The following C12orf75 variants were observed in gnomAD, a reference collection of about 807,000 sequenced individuals.
C12orf75 encodes the protein chromosome 12 open reading frame 75.
A neutral mutation model predicts 11.4 loss-of-function variants in C12orf75; 4 were observed. The observed-to-expected ratio is 0.35, with a 90% CI of 0.17 to 0.80. The LOEUF (loss-of-function observed/expected upper bound fraction) is 0.80. Ranked by LOEUF, C12orf75 falls within the 30% of genes least tolerant of loss-of-function variation. The pLI, the probability that C12orf75 is intolerant of heterozygous loss-of-function variation, is 0.52. For synonymous variants in C12orf75, 30 were observed against 30.0 expected (o/e 1.00, Z 0.00); for missense variants, 89 against 80.4 (o/e 1.11, Z -0.41).
chr12:105,343,771 C>T (rs1185624342), intron 1 of C12orf75, among the ~76,000 whole-genome samples: 1 of 151,712 alleles, frequency 6.6e-6, no homozygotes, highest in Non-Finnish European at 1.5e-5. Flanking sequence ...TTCTCATTAC[C>T]CTGGTTACAA....
At chr12:105,365,786 C>T in intron 2 of C12orf75, 21 bp from the exon 3 acceptor site, 2 of 1,534,880 alleles carry the variant, frequency 1.3e-6, no homozygotes, top group Non-Finnish European at 1.8e-6. Flanking sequence ...TGTCTCATAG[C>T]AAATGTTTCT....
At position 105,355,168 on chromosome 12, in the gene C12orf75, C is replaced by CT. The variant is rs200950023; in HGVS notation, c.71+6547dup. On this transcript the variant is annotated intron_variant, in intron 2 of 5. Coordinates refer to ENST00000443585, the MANE Select transcript of C12orf75 (RefSeq NM_001145199.2). ...GGGTGGTTTTCACGAATTTCTTTTT[C>CT]TTTTTCTTTTTCTTTTTTTTTTTCA... 9.9e-3 allele frequency among the ~76,000 whole-genome samples: 732 copies of CT among 74,164 alleles called. 64 individuals carry two copies. The highest frequency in any genetic ancestry group is 0.022 in the African/African-American group (484 of 21,918). The allele number at this position is 74,164 out of a possible 152,430, so 48.7% of individuals were successfully genotyped here.
At chr12:105,337,077 A>T (rs1177484284) in intron 1 of C12orf75, among the ~76,000 whole-genome samples, 1 of 152,070 alleles carries the variant, frequency 6.6e-6, no homozygotes, top group Non-Finnish European at 1.5e-5. Flanking sequence ...TAATCCCAGC[A>T]CTTTGGGAGG....
At position 105,365,813 on chromosome 12, in the gene C12orf75, A is replaced by G; in HGVS notation, c.78A>G (p.Glu26=). 6.5e-7 allele frequency: 1 copy of G among 1,549,136 alleles called. No individual in the cohort carries two copies. Among genetic ancestry groups the G allele is most frequent in the Non-Finnish European group, 8.7e-7 (1 of 1,144,652 alleles). ...AATGTTTCTGACCTTTTAGAACAGA[A>G]GAATCCGTAACAGAAGATGACAAGA... The part of the protein sequence containing the change: ...GPAGAAKDVT[E]ESVTEDDKRR... Residue 26 remains glutamate (E), a synonymous_variant, in exon 3 of 6, where the codon GAA becomes GAG. Coordinates refer to ENST00000443585, the MANE Select transcript of C12orf75 (RefSeq NM_001145199.2).
chr12:105,331,321 C>T (rs1282160369), intron 1 of C12orf75, among the ~76,000 whole-genome samples: 1 of 152,020 alleles, frequency 6.6e-6, no homozygotes, highest in Non-Finnish European at 1.5e-5. Flanking sequence ...CCCCCATCTC[C>T]TCGGAACCAA....
rs141765777 is a variant in C12orf75 at position 105,350,852 on chromosome 12, G to A, written c.71+2226G>A. Among the ~76,000 whole-genome samples the A allele has an allele frequency of 3.1e-4, 47 of 152,210 alleles. No individual in the cohort carries two copies. The East Asian group carries it at 8.3e-3, about 27-fold the overall frequency. On this transcript the variant is annotated intron_variant, in intron 2 of 5. Coordinates refer to ENST00000443585, the MANE Select transcript of C12orf75 (RefSeq NM_001145199.2). ...ATCTTTCTTTTTCTAATAAAATTTA[G>A]TGATGATTTTGTCAACAGAATTAAC...
At chr12:105,339,392 ATTT>A (rs10638339) in intron 1 of C12orf75, among the ~76,000 whole-genome samples, 2 of 136,504 alleles carry the variant, frequency 1.5e-5, no homozygotes, top group Non-Finnish European at 3.1e-5. Flanking sequence ...AATCTTCAGT[ATTT>A]TTTTTTTTTT....
chr12:105,368,200 C>T (rs9988966), intron 5 of C12orf75, among the ~76,000 whole-genome samples: 46,178 of 152,042 alleles, frequency 0.3, 8,511 homozygotes, highest in East Asian at 0.67. Flanking sequence ...AGACATGGAG[C>T]AGCATTTCCA....
chr12:105,330,835 G>A lies in C12orf75; in HGVS notation c.-57G>A. The A allele has an allele frequency of 8.1e-7, 1 of 1,238,926 alleles. No homozygotes were observed. Among genetic ancestry groups the A allele is most frequent in the Non-Finnish European group, 1.0e-6 (1 of 991,736 alleles). 76.7% of individuals were successfully genotyped at this position (1,238,926 alleles called of 1,614,324 possible). On this transcript the variant is annotated 5_prime_UTR_variant, in exon 1 of 6. Coordinates refer to ENST00000443585, the MANE Select transcript of C12orf75 (RefSeq NM_001145199.2). ...TGCGCCGCCCTTCGTCTGGGTCTCC[G>A]CCCCCAGGACCCGCGGCCGAGAGCT... is the stretch of plus-strand genomic sequence containing the variant.
At chr12:105,335,223 C>A (rs993167802) in intron 1 of C12orf75, among the ~76,000 whole-genome samples, 3 of 152,062 alleles carry the variant, frequency 2.0e-5, no homozygotes, top group Non-Finnish European at 4.4e-5. Context: ...TAATACAATC[C>A]TTTTGGGCCC....
At chr12:105,364,395 G>A (rs1871397261) in intron 2 of C12orf75, among the ~76,000 whole-genome samples, 1 of 152,220 alleles carries the variant, frequency 6.6e-6, no homozygotes, top group South Asian at 2.1e-4. Context: ...TATATGCTCA[G>A]TTTGGATGAA....
At chr12:105,357,324 T>C (rs1334944119) in intron 2 of C12orf75, among the ~76,000 whole-genome samples, 1 of 152,242 alleles carries the variant, frequency 6.6e-6, no homozygotes, top group African/African-American at 2.4e-5. Context: ...CATCCATCTG[T>C]AATCTTAGTT....
chr12:105,341,287 A>G (rs1272254525), intron 1 of C12orf75, among the ~76,000 whole-genome samples: 1 of 152,162 alleles, frequency 6.6e-6, no homozygotes, highest in African/African-American at 2.4e-5. Flanking sequence ...TGAAACATAA[A>G]GAATGTCTGA....
At chr12:105,332,998 C>T (rs1231471921) in intron 1 of C12orf75, among the ~76,000 whole-genome samples, 1 of 150,824 alleles carries the variant, frequency 6.6e-6, no homozygotes, top group African/African-American at 2.4e-5. Flanking sequence ...GTGGACAGTG[C>T]ATGTGAGAGC....
chr12:105,359,220 C>T (rs1892826189), intron 2 of C12orf75, among the ~76,000 whole-genome samples: 1 of 152,146 alleles, frequency 6.6e-6, no homozygotes, highest in African/African-American at 2.4e-5. Flanking sequence ...TGGTAGAATT[C>T]ACCTTTTACT....
intron 2 of C12orf75, among the ~76,000 whole-genome samples, chr12:105,356,400 T>C (rs910269323): frequency 6.0e-5 from 9 of 150,230 alleles, no homozygotes; most frequent in African/African-American, 2.2e-4. Context: ...TTAGCCTCTT[T>C]AGTGACACTG....
At chr12:105,363,220 T>C (rs768382093) in intron 2 of C12orf75, among the ~76,000 whole-genome samples, 2 of 152,232 alleles carry the variant, frequency 1.3e-5, no homozygotes, top group Non-Finnish European at 2.9e-5. Flanking sequence ...TCAGAGCTGT[T>C]GTGAGGAATA....
At chr12:105,363,154 C>G (rs968682885) in intron 2 of C12orf75, among the ~76,000 whole-genome samples, 3 of 152,212 alleles carry the variant, frequency 2.0e-5, no homozygotes, top group African/African-American at 7.2e-5. Flanking sequence ...GCTTGTTAGT[C>G]TTGTATGTTT....
chr12:105,340,073 T>A (rs1455125877), intron 1 of C12orf75, among the ~76,000 whole-genome samples: 1 of 152,186 alleles, frequency 6.6e-6, no homozygotes, highest in East Asian at 1.9e-4. Flanking sequence ...ACAGGCTGAT[T>A]AGCTCTCAAA....
Sources: gnomAD v4.1 joint callset for allele counts (sites outside exome capture counted in the v4.1 genomes callset) on GRCh38, gnomAD v4.1.1 for gene constraint, MANE v1.5 for transcripts, NCBI Gene and HGNC (gene_info 2026-07-23, HGNC 2026-07-21) for gene names.